Variants in LEMD3 observed in about 807,000 individuals in gnomAD.
LEMD3 encodes the protein LEM domain containing 3, also known as inner nuclear membrane protein Man1.
LEMD3 carries 33 observed loss-of-function variants against 95.2 expected under a neutral mutation model. The ratio of observed to expected loss-of-function variants is 0.35; its 90% CI spans 0.26 to 0.46. The LOEUF (loss-of-function observed/expected upper bound fraction) is 0.46. LEMD3 is among the 20% of genes least tolerant of loss of function. The probability of loss-of-function intolerance (pLI) is 1.00; values close to 1 mark genes in which losing one functional copy is unlikely to be tolerated. For synonymous variants in LEMD3, 525 were observed against 474.6 expected (o/e 1.11, Z -1.38); for missense variants, 1,210 against 1,192.8 (o/e 1.01, Z -0.21).
Position 65,223,336 on chromosome 12 carries a change from G to A in LEMD3, c.1695+4717G>A, listed in dbSNP as rs554455507. 4.2e-5 allele frequency among the ~76,000 whole-genome samples: 6 copies of A among 142,256 alleles called. No individual in the cohort carries two copies. The East Asian group carries it at 1.2e-3, about 29-fold the overall frequency. The allele number at this position is 142,256 out of a possible 152,430, so 93.3% of individuals were successfully genotyped here. ...TTTTTTTTTTTGAGACAGAGTCTAGGCCTGTCACCCACGCTTGAGTGCAGT... is the reference window on the plus strand; with the variant it reads ...TTTTTTTTTTTGAGACAGAGTCTAGACCTGTCACCCACGCTTGAGTGCAGT... On this transcript the variant is annotated intron_variant, in intron 4 of 12. Coordinates refer to ENST00000308330, the MANE Select transcript of LEMD3 (RefSeq NM_014319.5).
intron 2 of LEMD3, among the ~76,000 whole-genome samples, chr12:65,215,492 C>T (rs538676376): frequency 1.3e-5 from 2 of 152,206 alleles, no homozygotes; most frequent in South Asian, 4.1e-4. Flanking sequence ...TTTAACAGTT[C>T]ATAAGTTTAT....
chr12:65,231,903 A>G (rs1204902841), intron 4 of LEMD3, among the ~76,000 whole-genome samples: 1 of 151,942 alleles, frequency 6.6e-6, no homozygotes, highest in Non-Finnish European at 1.5e-5. Flanking sequence ...TATTTCAAAA[A>G]CCGTTGAATG....
intron 4 of LEMD3, among the ~76,000 whole-genome samples, chr12:65,223,800 G>T (rs1592454264): frequency 7.1e-6 from 1 of 141,014 alleles, no homozygotes; most frequent in African/African-American, 2.6e-5. Flanking sequence ...TAGCTTTTTT[G>T]TCCCCTTTTC....
chr12:65,191,750 A>T (rs1869245568), intron 1 of LEMD3, among the ~76,000 whole-genome samples: 1 of 151,980 alleles, frequency 6.6e-6, no homozygotes, highest in African/African-American at 2.4e-5. Flanking sequence ...AACATGGTGA[A>T]ACCCTGTCTC....
At chr12:65,244,302 A>C (rs1871030318) in intron 10 of LEMD3, among the ~76,000 whole-genome samples, 1 of 141,232 alleles carries the variant, frequency 7.1e-6, no homozygotes. Context: ...CCACACACAC[A>C]GAGACAAACA....
In LEMD3 at chr12:65,210,249, AT is replaced by A. The variant is rs143552349; in HGVS notation, c.1523-668del. ...TTAATTCTTAGTTACTTTGATCTGT[AT>A]TTTTTTTTCTTGCCACTTTTTCAGA... On this transcript the variant is annotated intron_variant, in intron 1 of 12. Transcript: ENST00000308330. 3.2e-3 allele frequency among the ~76,000 whole-genome samples: 480 copies of A among 151,004 alleles called. 3 individuals are homozygous for A. The highest frequency in any genetic ancestry group is 0.011 in the African/African-American group (453 of 41,220).
intron 4 of LEMD3, among the ~76,000 whole-genome samples, chr12:65,220,015 T>C (rs757222077): frequency 2.6e-5 from 4 of 152,234 alleles, no homozygotes; most frequent in Non-Finnish European, 5.9e-5. Flanking sequence ...AACATGGCAA[T>C]GCAAGTACTT....
intron 1 of LEMD3, among the ~76,000 whole-genome samples, chr12:65,195,040 C>T (rs1440945256): frequency 1.3e-5 from 2 of 151,840 alleles, no homozygotes; most frequent in East Asian, 1.9e-4. Flanking sequence ...TAGATCAGAT[C>T]CCTTTCAATG....
chr12:65,221,678 A>G (rs771296340), intron 4 of LEMD3, among the ~76,000 whole-genome samples: 1 of 150,850 alleles, frequency 6.6e-6, no homozygotes, highest in South Asian at 2.1e-4. Context: ...GCTATGAGAG[A>G]TAGAGATGGG....
At chr12:65,181,361 G>A (rs1868897948) in intron 1 of LEMD3, among the ~76,000 whole-genome samples, 1 of 152,110 alleles carries the variant, frequency 6.6e-6, no homozygotes, top group Non-Finnish European at 1.5e-5. Flanking sequence ...CCTATACTAT[G>A]TACCAGGTAA....
intron 2 of LEMD3, among the ~76,000 whole-genome samples, chr12:65,214,185 C>T (rs1256444367): frequency 5.9e-5 from 9 of 152,116 alleles, no homozygotes; most frequent in African/African-American, 1.4e-4. Context: ...CTGCCTCAGC[C>T]TCCCAAGTAG....
chr12:65,172,892 A>C (rs550317345), intron 1 of LEMD3, among the ~76,000 whole-genome samples: 5 of 152,058 alleles, frequency 3.3e-5, no homozygotes, highest in African/African-American at 1.2e-4. Flanking sequence ...CACCTGGCTA[A>C]ATTTTTTTTG....
Position 65,229,782 on chromosome 12 carries a change from T to C in LEMD3, c.1696-8720T>C, listed in dbSNP as rs549892563. Among the ~76,000 whole-genome samples the C allele has an allele frequency of 2.6e-5, 4 of 152,352 alleles. No individual in the cohort carries two copies. In the East Asian group the frequency reaches 7.7e-4, roughly 29 times the overall value. Reference sequence around the variant, plus strand: ...AATAGTTTGCAAATGTCCCCCATTCTACTAGTCATCTCTTCACTCTGTTGC... The same window carrying C: ...AATAGTTTGCAAATGTCCCCCATTCCACTAGTCATCTCTTCACTCTGTTGC... On this transcript the variant is annotated intron_variant, in intron 4 of 12. Coordinates refer to ENST00000308330, the MANE Select transcript of LEMD3 (RefSeq NM_014319.5).
chr12:65,178,593 C>T (rs909743912), intron 1 of LEMD3, among the ~76,000 whole-genome samples: 1 of 152,158 alleles, frequency 6.6e-6, no homozygotes, highest in African/African-American at 2.4e-5. Context: ...ATACATGGCA[C>T]ATAGTAATAA....
At chr12:65,211,021 T>A in intron 2 of LEMD3, 58 bp downstream of exon 2, 2 of 1,224,220 alleles carry the variant, frequency 1.6e-6, no homozygotes, top group Non-Finnish European at 2.4e-6. Flanking sequence ...GATAAAAGCA[T>A]GAGAATGACT....
Position 65,246,279 on chromosome 12 carries a change from A to G in LEMD3, c.2690A>G (p.His897Arg). Reference sequence around the variant, plus strand: ...AATAAACATATGAACTCCATGTCTCATCTTCGTCTTCGGACTGGCCTAACC... The same window carrying G: ...AATAAACATATGAACTCCATGTCTCGTCTTCGTCTTCGGACTGGCCTAACC... Reference protein sequence around the residue: ...PSNKHMNSMSHLRLRTGLTNS... With the variant: ...PSNKHMNSMSRLRLRTGLTNS... Residue 897 changes from histidine (H) to arginine (R), a missense_variant, in exon 13 of 13, where the codon CAT becomes CGT. His to Arg is a conservative substitution (Grantham distance 29, BLOSUM62 0). Transcript: ENST00000308330. The G allele has an allele frequency of 6.2e-7, 1 of 1,613,732 alleles. No homozygotes were observed. Among genetic ancestry groups the G allele is most frequent in the Non-Finnish European group, 8.5e-7 (1 of 1,179,756 alleles).
At chr12:65,177,928 C>T (rs1868776634) in intron 1 of LEMD3, among the ~76,000 whole-genome samples, 1 of 151,232 alleles carries the variant, frequency 6.6e-6, no homozygotes, top group Non-Finnish European at 1.5e-5. Flanking sequence ...ACTGCAGCCT[C>T]AACCTCCCAG....
chr12:65,231,494 G>A (rs938039321), intron 4 of LEMD3, among the ~76,000 whole-genome samples: 2 of 152,066 alleles, frequency 1.3e-5, no homozygotes, highest in Admixed American at 6.6e-5. Context: ...AGACCAGACT[G>A]GGGAACATAG....
intron 1 of LEMD3, among the ~76,000 whole-genome samples, chr12:65,203,256 C>T (rs575639002): frequency 6.8e-6 from 1 of 148,020 alleles, no homozygotes; most frequent in Admixed American, 7.0e-5. Context: ...ATGAATAACT[C>T]CCACATGCTT....
Sources: allele counts gnomAD v4.1 joint callset (sites outside exome capture counted in the v4.1 genomes callset), GRCh38; gene constraint gnomAD v4.1.1; transcripts MANE v1.5; gene names NCBI Gene and HGNC (gene_info 2026-07-23, HGNC 2026-07-21).